ANXA8: variants seen among roughly 807,000 people sequenced by gnomAD.
ANXA8 encodes annexin A8.
A neutral mutation model predicts 26.8 loss-of-function variants in ANXA8; 9 were observed. The observed-to-expected ratio is 0.34, with a 90% CI of 0.20 to 0.59. ANXA8 has a LOEUF of 0.59. Ranked by LOEUF, ANXA8 falls within the 20% of genes least tolerant of loss-of-function variation. The probability of loss-of-function intolerance (pLI) is 0.84; values close to 1 mark genes in which losing one functional copy is unlikely to be tolerated. For synonymous variants in ANXA8, 39 were observed against 94.8 expected, an observed-to-expected ratio of 0.41 and a Z score of 3.42; for missense variants, 83 against 238.5, an observed-to-expected ratio of 0.35 and a Z score of 4.29.
chr10:47,944,452 C>G, the ANXA8 span, among the ~76,000 whole-genome samples: 1 of 149,806 alleles, frequency 6.7e-6, no homozygotes, highest in Non-Finnish European at 1.5e-5. Context: ...CTAGGACAGA[C>G]TGTGCTGAAA....
At chr10:47,974,101 A>AT in the ANXA8 span, among the ~76,000 whole-genome samples, 46 of 150,944 alleles carry the variant, frequency 3.0e-4, no homozygotes, top group African/African-American at 1.1e-3. Flanking sequence ...GTATTTCTGC[A>AT]TGTATCAGTA....
At chr10:47,548,616 CT>C in the ANXA8 span, among the ~76,000 whole-genome samples, 1 of 71,688 alleles carries the variant, frequency 1.4e-5, no homozygotes, top group Non-Finnish European at 3.0e-5. Context: ...TTCTTTTTTT[CT>C]TTTTTTTGCT....
At chr10:47,932,430 C>A in the ANXA8 span, among the ~76,000 whole-genome samples, 1 of 150,752 alleles carries the variant, frequency 6.6e-6, no homozygotes, top group African/African-American at 2.4e-5. Context: ...TGGAATGGGG[C>A]TCTCCAAAGG....
chr10:47,515,791 T>C, the ANXA8 span, among the ~76,000 whole-genome samples: 1 of 132,700 alleles, frequency 7.5e-6, no homozygotes, highest in Non-Finnish European at 1.6e-5. Flanking sequence ...TCAGTAAAGA[T>C]CCCCAGATAA....
the ANXA8 span, among the ~76,000 whole-genome samples, chr10:47,581,731 C>G: frequency 4.6e-5 from 7 of 150,836 alleles, no homozygotes; most frequent in African/African-American, 1.7e-4. Flanking sequence ...CCCAGTCTCC[C>G]GAGTAGCTGG....
the ANXA8 span, among the ~76,000 whole-genome samples, chr10:47,749,265 C>A: frequency 3.3e-5 from 4 of 123,062 alleles, no homozygotes; most frequent in South Asian, 5.8e-4. Context: ...CACAAAAAAA[C>A]CTGAGAAAAT....
the ANXA8 span, among the ~76,000 whole-genome samples, chr10:47,743,357 C>CAT: frequency 0.26 from 10,259 of 39,818 alleles, 235 homozygotes; most frequent in South Asian, 0.29. Flanking sequence ...TATATATACA[C>CAT]ATATATATAT....
chr10:47,721,389 T>G, the ANXA8 span, among the ~76,000 whole-genome samples: 5 of 138,422 alleles, frequency 3.6e-5, no homozygotes, highest in Non-Finnish European at 6.3e-5. Context: ...TATCACCTGA[T>G]TATGGCATAA....
the ANXA8 span, among the ~76,000 whole-genome samples, chr10:47,556,409 G>C: frequency 5.9e-5 from 9 of 151,928 alleles, no homozygotes; most frequent in African/African-American, 9.7e-5. Context: ...CTAAGTCCAA[G>C]TTTATATTCG....
At chr10:47,702,348 T>C in the ANXA8 span, among the ~76,000 whole-genome samples, 85 of 150,634 alleles carry the variant, frequency 5.6e-4, no homozygotes, top group Middle Eastern at 0.01. Flanking sequence ...CTTTTCTTTT[T>C]TTTTTTTTTT....
the ANXA8 span, among the ~76,000 whole-genome samples, chr10:47,755,555 CTTTTTTTTTTTTT>C: frequency 3.6e-5 from 3 of 82,988 alleles, no homozygotes; most frequent in South Asian, 4.5e-4. Flanking sequence ...GTGCCCGGCC[CTTTTTTTTTTTTT>C]TTTTTTTTTT....
chr10:47,715,170 C>T, the ANXA8 span, among the ~76,000 whole-genome samples: 24 of 10,734 alleles, frequency 2.2e-3, no homozygotes, highest in African/African-American at 7.7e-3. Context: ...TCTGGTGGCC[C>T]GGCGCGGAGG....
chr10:47,548,274 C>T, the ANXA8 span, among the ~76,000 whole-genome samples: 1 of 147,640 alleles, frequency 6.8e-6, no homozygotes, highest in African/African-American at 2.5e-5. Context: ...CCCTACACCT[C>T]CTAATCAATA....
chr10:47,986,223 T>C, the ANXA8 span: 1 of 152,354 alleles, frequency 6.6e-6, no homozygotes, highest in African/African-American at 2.4e-5. Context: ...TAGAAATACA[T>C]GAGGTGGGCT....
At chr10:47,768,279 AT>A in the ANXA8 span, among the ~76,000 whole-genome samples, 16 of 148,054 alleles carry the variant, frequency 1.1e-4, no homozygotes, top group East Asian at 3.9e-4. Context: ...ACTGACCCAC[AT>A]TTTTTTTTTC....
At chr10:47,960,297 TC>T in the ANXA8 span, among the ~76,000 whole-genome samples, 1 of 146,552 alleles carries the variant, frequency 6.8e-6, no homozygotes, top group Non-Finnish European at 1.5e-5. Flanking sequence ...GCACCTTGAA[TC>T]TCATCATGAG....
the ANXA8 span, among the ~76,000 whole-genome samples, chr10:47,666,784 G>T: frequency 6.6e-6 from 1 of 151,926 alleles, no homozygotes; most frequent in African/African-American, 2.4e-5. Flanking sequence ...AAAACAAACA[G>T]TAATTCTCAG....
At chr10:47,469,363 G>C (rs1389657647) in intron 11 of ANXA8, among the ~76,000 whole-genome samples, 3 of 151,970 alleles carry the variant, frequency 2.0e-5, no homozygotes, top group African/African-American at 7.2e-5. Context: ...ATCGCACCCT[G>C]ACGGTGTGGC....
chr10:47,920,638 T>G, the ANXA8 span: 1 of 125,438 alleles, frequency 8.0e-6, no homozygotes, highest in African/African-American at 3.0e-5. Context: ...ATATGAGACT[T>G]AAAGAATATC....
Sources: gnomAD v4.1 joint callset for allele counts (sites outside exome capture counted in the v4.1 genomes callset) on GRCh38, gnomAD v4.1.1 for gene constraint, MANE v1.5 for transcripts, NCBI Gene and HGNC (gene_info 2026-07-23, HGNC 2026-07-21) for gene names.